Variants in TXNL4B observed in about 807,000 individuals in gnomAD.
TXNL4B encodes the protein thioredoxin-like protein 4B.
A neutral mutation model predicts 13.0 loss-of-function variants in TXNL4B; 12 were observed. That is an observed-to-expected ratio of 0.92 (90% CI 0.59 to 1.49). The LOEUF is 1.49. Among genes scored for constraint, TXNL4B ranks in the 40% most tolerant of loss-of-function variants. The probability of loss-of-function intolerance (pLI) is 0.00; values close to 1 mark genes in which losing one functional copy is unlikely to be tolerated. For missense variants in TXNL4B, 214 were observed against 173.6 expected (o/e 1.23, Z -1.31); for synonymous variants, 59 against 58.9 (o/e 1.00, Z -0.01).
chr16:72,086,690 G>A lies in TXNL4B; in HGVS notation c.397C>T (p.Pro133Ser). ...TTGGGAATATTCTTGGGATCAATAGGACTTTGGACAATAAGCTTCCCCCTC... is the reference window on the plus strand; with the variant it reads ...TTGGGAATATTCTTGGGATCAATAGAACTTTGGACAATAAGCTTCCCCCTC... ...AMRGKLIVQS[P>S]IDPKNIPKYD... The change falls in exon 4 of 4, where the codon CCT (proline) becomes TCT (serine). Residue 133 changes from proline to serine, a missense_variant. Pro to Ser is a moderately conservative substitution (Grantham distance 74, BLOSUM62 -1). Coordinates refer to ENST00000268483, the MANE Select transcript of TXNL4B (RefSeq NM_017853.3). 6.2e-7 allele frequency: 1 copy of A among 1,613,890 alleles called. No homozygotes were observed. The highest frequency in any genetic ancestry group is 1.6e-4 in the Middle Eastern group (1 of 6,062).
chr16:72,086,751 G>A lies in TXNL4B; in HGVS notation c.336C>T (p.Phe112=), dbSNP rs761593119. ...GATAGATTACTTCAATCAAATCTATGAAGTCTTGTTTGGTTTTGAAGCTTC... is the reference window on the plus strand; with the variant it reads ...GATAGATTACTTCAATCAAATCTATAAAGTCTTGTTTGGTTTTGAAGCTTC... ...FVGSFKTKQD[F]IDLIEVIYRG... Residue 112 remains phenylalanine (F), a synonymous_variant, in exon 4 of 4, where the codon TTC becomes TTT. Coordinates refer to ENST00000268483, the MANE Select transcript of TXNL4B (RefSeq NM_017853.3). 4.3e-6 allele frequency: 7 copies of A among 1,613,408 alleles called. No homozygotes were observed. The highest frequency in any genetic ancestry group is 4.0e-5 in the African/African-American group (3 of 74,916).
Position 72,086,114 on chromosome 16 carries a change from C to G in TXNL4B, c.*523G>C, listed in dbSNP as rs766291500. On this transcript the variant is annotated 3_prime_UTR_variant, in exon 4 of 4. Transcript: ENST00000268483. ...TGCTCAATTAATTATTTGAAGAGAA[C>G]CTACAGTAATACAGACTGGAGATGG... The G allele has an allele frequency of 6.6e-6, 1 of 152,070 alleles. No individual in the cohort carries two copies. 9.4% of individuals were successfully genotyped at this position (152,070 alleles called of 1,614,324 possible). A position where few individuals can be genotyped will look rare whatever the true frequency, so the allele number is the denominator to read the frequency against.
intron 3 of TXNL4B, among the ~76,000 whole-genome samples, chr16:72,087,624 T>C (rs1304360565): frequency 6.6e-6 from 1 of 150,972 alleles, no homozygotes; most frequent in East Asian, 1.9e-4. Context: ...TGTGTTCCAG[T>C]AGAATAAACA....
chr16:72,089,643 A>G (rs1487257254), intron 2 of TXNL4B, among the ~76,000 whole-genome samples: 1 of 152,216 alleles, frequency 6.6e-6, no homozygotes, highest in East Asian at 1.9e-4. Flanking sequence ...AAACAACACA[A>G]CTTAGAAATA....
Position 72,086,747 on chromosome 16 carries a change from C to T in TXNL4B, c.340G>A (p.Asp114Asn). The T allele has an allele frequency of 6.2e-7, 1 of 1,613,500 alleles. No individual in the cohort carries two copies. Among genetic ancestry groups the T allele is most frequent in the Admixed American group, 1.7e-5 (1 of 60,016 alleles). Reference protein sequence around the residue: ...GSFKTKQDFIDLIEVIYRGAM... With the variant: ...GSFKTKQDFINLIEVIYRGAM... ...CCTCGATAGATTACTTCAATCAAATCTATGAAGTCTTGTTTGGTTTTGAAG... is the reference window on the plus strand; with the variant it reads ...CCTCGATAGATTACTTCAATCAAATTTATGAAGTCTTGTTTGGTTTTGAAG... Residue 114 changes from aspartate to asparagine, a missense_variant, in exon 4 of 4, where the codon GAT becomes AAT. Coordinates refer to ENST00000268483, the MANE Select transcript of TXNL4B (RefSeq NM_017853.3).
At chr16:72,090,314 C>G in intron 2 of TXNL4B, 1 of 470,792 alleles carries the variant, frequency 2.1e-6, no homozygotes. Flanking sequence ...TACTATTATC[C>G]CACTATTGCG....
upstream of TXNL4B, chr16:72,094,047 G>C (rs1250698228): frequency 6.6e-6 from 1 of 152,358 alleles, no homozygotes; most frequent in African/African-American, 2.4e-5. Flanking sequence ...GTCGCGCTTG[G>C]TGAGGTGAGA....
Position 72,090,560 on chromosome 16 carries a change from C to T in TXNL4B, c.132+58G>A, listed in dbSNP as rs190554445. 3.8e-6 allele frequency: 6 copies of T among 1,575,048 alleles called. No homozygotes were observed. The Admixed American group carries it at 5.1e-5, about 13-fold the overall frequency. ...CTCCCTCTCATGTACTACTCAGATG[C>T]TGAAGTGAGAATATACAGATTATTA... On this transcript the variant is annotated intron_variant, in intron 2 of 3. Coordinates refer to ENST00000268483, the MANE Select transcript of TXNL4B (RefSeq NM_017853.3).
chr16:72,089,657 T>C (rs3852781), intron 2 of TXNL4B, among the ~76,000 whole-genome samples: 56 of 152,184 alleles, frequency 3.7e-4, no homozygotes, highest in African/African-American at 1.2e-3. Flanking sequence ...AGAAATATGT[T>C]ATGTGGATAC....
At chr16:72,092,000 G>C (rs944588320) in intron 1 of TXNL4B, among the ~76,000 whole-genome samples, 1 of 152,192 alleles carries the variant, frequency 6.6e-6, no homozygotes, top group Non-Finnish European at 1.5e-5. Flanking sequence ...CTTTGACAAA[G>C]AAGCTTAGTT....
At chr16:72,091,061 G>C (rs149420488) in intron 1 of TXNL4B, among the ~76,000 whole-genome samples, 2 of 152,058 alleles carry the variant, frequency 1.3e-5, no homozygotes, top group Non-Finnish European at 2.9e-5. Context: ...TATGCGTTCC[G>C]ATATTTTTTT....
In TXNL4B at chr16:72,088,956, T is replaced by TTGCA. The variant is rs1315478011; in HGVS notation, c.284+27_284+30dup. 4 of 1,559,370 alleles carry TTGCA rather than the reference T, an allele frequency of 2.6e-6. No individual in the cohort carries two copies. In the Admixed American group the frequency reaches 7.1e-5, roughly 28 times the overall value. On this transcript the variant is annotated intron_variant, in intron 3 of 3. Coordinates refer to ENST00000268483, the MANE Select transcript of TXNL4B (RefSeq NM_017853.3). ...ATGCTTACCAAGGAAACTTACAAGG[T>TTGCA]TGCAATTAACTTCAGATCAACTGCA... is the stretch of plus-strand genomic sequence containing the variant.
chr16:72,090,237 G>C (rs892002136), intron 2 of TXNL4B: 11 of 459,472 alleles, frequency 2.4e-5, no homozygotes, highest in South Asian at 1.1e-4. Flanking sequence ...CTGCAATATA[G>C]TGGATCTGCA....
intron 3 of TXNL4B, among the ~76,000 whole-genome samples, chr16:72,088,763 T>C (rs550312882): frequency 6.6e-6 from 1 of 152,372 alleles, no homozygotes; most frequent in Non-Finnish European, 1.5e-5. Flanking sequence ...ACAAACCATG[T>C]GTATGCACTA....
At position 72,089,134 on chromosome 16, in the gene TXNL4B, G is replaced by A. The variant is rs768992134; in HGVS notation, c.137C>T (p.Ser46Phe). ...PVCLQLDDIL[S>F]KTSSDLSKMA... ...TTTACTTAAGTCAGAAGAGGTCTTA[G>A]AAAGCTGCAAATGACGAGAGAGACA... The change falls in exon 3 of 4, where the codon TCT (serine) becomes TTT (phenylalanine). Residue 46 changes from serine to phenylalanine, a missense_variant. Ser to Phe is a radical substitution (Grantham distance 155, BLOSUM62 -2). Transcript: ENST00000268483. 5 of 1,607,302 alleles carry A rather than the reference G, an allele frequency of 3.1e-6. No individual in the cohort carries two copies. The highest frequency in any genetic ancestry group is 4.3e-6 in the Non-Finnish European group (5 of 1,176,036).
At chr16:72,092,582 G>A (rs1033312809) in intron 1 of TXNL4B, among the ~76,000 whole-genome samples, 2 of 152,282 alleles carry the variant, frequency 1.3e-5, no homozygotes, top group East Asian at 1.9e-4. Context: ...AAGAGAAGAC[G>A]GATCTGTCCC....
intron 2 of TXNL4B, among the ~76,000 whole-genome samples, chr16:72,089,873 G>C (rs555807782): frequency 7.9e-5 from 12 of 152,336 alleles, no homozygotes; most frequent in African/African-American, 2.9e-4. Context: ...GGCACAGGAA[G>C]GTAAAGTAAT....
At chr16:72,087,366 G>GTGTGTGTGTGTGTA (rs367849815) in intron 3 of TXNL4B, 7 of 149,790 alleles carry the variant, frequency 4.7e-5, no homozygotes, top group South Asian at 4.3e-4. Flanking sequence ...GTGTGTGTGT[G>GTGTGTGTGTGTGTA]TGTATGTGCA....
At chr16:72,092,727 C>CATGT (rs2041931404) in intron 1 of TXNL4B, among the ~76,000 whole-genome samples, 1 of 152,122 alleles carries the variant, frequency 6.6e-6, no homozygotes, top group African/African-American at 2.4e-5. Context: ...AAAACTGAGA[C>CATGT]CACATCTAAG....
Sources: allele counts gnomAD v4.1 joint callset (sites outside exome capture counted in the v4.1 genomes callset), GRCh38; gene constraint gnomAD v4.1.1; transcripts MANE v1.5; gene names NCBI Gene and HGNC (gene_info 2026-07-23, HGNC 2026-07-21).